Variants in SLC9D1 observed in about 807,000 individuals in gnomAD.
SLC9D1 encodes the protein solute carrier family 9 member D1.
the SLC9D1 span, among the ~76,000 whole-genome samples, chr13:113,519,639 TCCGTG>T: frequency 1.3e-5 from 2 of 152,082 alleles, no homozygotes; most frequent in East Asian, 1.9e-4. Flanking sequence ...GAAGGCTCAT[TCCGTG>T]TGGTGGCTTG....
the SLC9D1 span, among the ~76,000 whole-genome samples, chr13:113,532,833 C>T: frequency 7.2e-6 from 1 of 138,770 alleles, no homozygotes; most frequent in Non-Finnish European, 1.6e-5. Flanking sequence ...CGCTGCCTCC[C>T]TCCTGAAGTC....
chr13:113,515,912 A>G, the SLC9D1 span, among the ~76,000 whole-genome samples: 2 of 151,750 alleles, frequency 1.3e-5, no homozygotes, highest in African/African-American at 4.8e-5. Context: ...AAAAAAAAAA[A>G]AAGAAATGCA....
At chr13:113,544,384 G>A in the SLC9D1 span, among the ~76,000 whole-genome samples, 6 of 152,246 alleles carry the variant, frequency 3.9e-5, no homozygotes, top group East Asian at 1.9e-4. Context: ...TCGGGGTCTC[G>A]TGGACGGCAC....
the SLC9D1 span, among the ~76,000 whole-genome samples, chr13:113,524,930 G>A: frequency 6.6e-6 from 1 of 151,818 alleles, no homozygotes; most frequent in Non-Finnish European, 1.5e-5. Flanking sequence ...TTTGTTTTTT[G>A]TCTCGTTACT....
the SLC9D1 span, chr13:113,510,326 A>G: frequency 7.4e-6 from 12 of 1,614,108 alleles, no homozygotes; most frequent in East Asian, 6.7e-5. Context: ...TTGCGGATCA[A>G]ACCCACGCAG....
chr13:113,502,791 T>G, the SLC9D1 span, among the ~76,000 whole-genome samples: 1 of 152,196 alleles, frequency 6.6e-6, no homozygotes, highest in African/African-American at 2.4e-5. Context: ...CCAAGCCTCT[T>G]TCCCTCTGCT....
At chr13:113,500,192 G>C in the SLC9D1 span, 1 of 1,294,708 alleles carries the variant, frequency 7.7e-7, no homozygotes, top group Non-Finnish European at 1.0e-6. Flanking sequence ...CCCAATTCCT[G>C]GTTCATGGTG....
the SLC9D1 span, chr13:113,510,113 C>T: frequency 3.6e-6 from 3 of 832,192 alleles, no homozygotes; most frequent in Middle Eastern, 7.3e-4. Context: ...ATGGTGACCC[C>T]AGCGTTGCTT....
At chr13:113,531,218 G>A in the SLC9D1 span, among the ~76,000 whole-genome samples, 2 of 152,236 alleles carry the variant, frequency 1.3e-5, no homozygotes, top group Admixed American at 6.5e-5. Flanking sequence ...ATGATGGTGC[G>A]TCCCGCCAGG....
At chr13:113,531,374 C>T in the SLC9D1 span, among the ~76,000 whole-genome samples, 5 of 152,264 alleles carry the variant, frequency 3.3e-5, no homozygotes, top group East Asian at 5.8e-4. Flanking sequence ...TGTCCAAACA[C>T]GCTGAGACAG....
the SLC9D1 span, chr13:113,495,942 C>T: frequency 5.6e-6 from 9 of 1,613,970 alleles, no homozygotes; most frequent in Non-Finnish European, 6.8e-6. Flanking sequence ...GCAGAGAGCC[C>T]TGCAGGGGGA....
chr13:113,548,325 T>C, the SLC9D1 span: 1 of 1,614,094 alleles, frequency 6.2e-7, no homozygotes, highest in Middle Eastern at 1.7e-4. Flanking sequence ...GCGCTGGTCC[T>C]GTCTCTCATT....
chr13:113,513,837 G>T, the SLC9D1 span, among the ~76,000 whole-genome samples: 1 of 152,110 alleles, frequency 6.6e-6, no homozygotes, highest in African/African-American at 2.4e-5. Flanking sequence ...AATTCAGTGG[G>T]TACCAAAAAG....
At chr13:113,534,226 T>G in the SLC9D1 span, 2 of 1,612,746 alleles carry the variant, frequency 1.2e-6, no homozygotes, top group East Asian at 4.5e-5. Context: ...TGCCTTTATC[T>G]TCTTAATGTT....
At chr13:113,547,500 G>C in the SLC9D1 span, 6 of 772,464 alleles carry the variant, frequency 7.8e-6, no homozygotes, top group Non-Finnish European at 1.1e-5. Flanking sequence ...TCCTCATCTC[G>C]GAGGAGGCCC....
At chr13:113,539,350 C>G in the SLC9D1 span, 1 of 1,611,452 alleles carries the variant, frequency 6.2e-7, no homozygotes, top group East Asian at 2.2e-5. The surrounding 1 kb of genome is among the most constrained non-coding windows in gnomAD (Gnocchi z 4.8). Context: ...CGTCCTGCCT[C>G]TCTCAGGTCA....
At chr13:113,549,782 C>T in the SLC9D1 span, 40 of 686,306 alleles carry the variant, frequency 5.8e-5, no homozygotes, top group Middle Eastern at 2.5e-4. Context: ...TGCGTTTTAC[C>T]GATCACCTTG....
chr13:113,502,280 C>G, the SLC9D1 span, among the ~76,000 whole-genome samples: 1 of 152,162 alleles, frequency 6.6e-6, no homozygotes, highest in South Asian at 2.1e-4. Flanking sequence ...ATGGTGCAAT[C>G]TTGGCTCACT....
chr13:113,542,767 G>T, the SLC9D1 span, among the ~76,000 whole-genome samples: 7 of 152,022 alleles, frequency 4.6e-5, no homozygotes, highest in Non-Finnish European at 7.4e-5. Flanking sequence ...TGCTTTACAG[G>T]GGCCACAGAC....
Sources: gnomAD v4.1 joint callset for allele counts (sites outside exome capture counted in the v4.1 genomes callset) on GRCh38, gnomAD v4.1.1 for gene constraint, Gnocchi (gnomAD v3.1) non-coding constraint, MANE v1.5 for transcripts, NCBI Gene and HGNC (gene_info 2026-07-23, HGNC 2026-07-21) for gene names.